SEPTIN9: variants seen among roughly 807,000 people sequenced by gnomAD.
The protein encoded by SEPTIN9 is septin 9, also known as septin-9.
SEPTIN9 carries 13 observed loss-of-function variants against 56.6 expected under a neutral mutation model. The ratio of observed to expected loss-of-function variants is 0.23; its 90% CI spans 0.15 to 0.37. SEPTIN9 has a LOEUF of 0.37. SEPTIN9 is among the 10% of genes least tolerant of loss of function. The pLI, the probability that SEPTIN9 is intolerant of heterozygous loss-of-function variation, is 1.00. For synonymous variants in SEPTIN9, 332 were observed against 334.1 expected, an observed-to-expected ratio of 0.99 and a Z score of 0.07; for missense variants, 650 against 823.1, an observed-to-expected ratio of 0.79 and a Z score of 2.57.
chr17:77,316,065 C>G (rs1016980946), intron 2 of SEPTIN9, among the ~76,000 whole-genome samples: 1 of 152,226 alleles, frequency 6.6e-6, no homozygotes, highest in African/African-American at 2.4e-5. Flanking sequence ...GGCTCCCTCA[C>G]TGTAGGATTA....
chr17:77,497,159 C>T (rs1420037920), intron 10 of SEPTIN9, 156 bp from the exon 11 acceptor site: 4 of 735,528 alleles, frequency 5.4e-6, no homozygotes, highest in Admixed American at 4.0e-5. Context: ...GTCCTATACT[C>T]AGCTGCAGAG....
At position 77,475,647 on chromosome 17, in the gene SEPTIN9, T is replaced by C; in HGVS notation, c.722-6497T>C. ...TGGAGGCTGCTCCAGTGTGCATTGT[T>C]ACGAGGCAAAGTAAGGAGACTGCTG... On this transcript the variant is annotated intron_variant, in intron 3 of 11. Coordinates refer to ENST00000427177, the MANE Select transcript of SEPTIN9 (RefSeq NM_001113491.2). The surrounding 1 kb of genome is among the most constrained non-coding windows in gnomAD (Gnocchi z 4.6). 1.2e-6 allele frequency: 2 copies of C among 1,613,790 alleles called. No individual in the cohort carries two copies. Among genetic ancestry groups the C allele is most frequent in the Middle Eastern group, 1.6e-4 (1 of 6,062 alleles).
intron 4 of SEPTIN9, among the ~76,000 whole-genome samples, chr17:77,486,095 C>CGT (rs1420856951): frequency 2.6e-5 from 4 of 152,016 alleles, no homozygotes; most frequent in Non-Finnish European, 5.9e-5. Context: ...GGATTACAGG[C>CGT]GTGAGCCATC....
chr17:77,315,612 A>G (rs1157855745), intron 2 of SEPTIN9, among the ~76,000 whole-genome samples: 1 of 152,200 alleles, frequency 6.6e-6, no homozygotes, highest in Non-Finnish European at 1.5e-5. Context: ...TTTCTACAAG[A>G]TGCCCCCTGG....
Position 77,499,168 on chromosome 17 carries a change from C to CA in SEPTIN9, c.*511dup, listed in dbSNP as rs777013794. On this transcript the variant is annotated 3_prime_UTR_variant, in exon 12 of 12. Transcript: ENST00000427177. ...CCCCCTGCCCGCCACATGGTGTGGC[C>CA]ATCACTCAGCCCCTACCCCTGCCCT... The CA allele has an allele frequency of 1.0e-4, 54 of 538,176 alleles. No homozygotes were observed. The highest frequency in any genetic ancestry group is 1.8e-4 in the Non-Finnish European group (51 of 277,610). 33.3% of individuals were successfully genotyped at this position (538,176 alleles called of 1,614,324 possible).
At chr17:77,386,195 C>T (rs939783801) in intron 2 of SEPTIN9, among the ~76,000 whole-genome samples, 10 of 152,194 alleles carry the variant, frequency 6.6e-5, no homozygotes, top group African/African-American at 2.2e-4. Context: ...AGAATGACTC[C>T]TCCTGCAGCC....
intron 2 of SEPTIN9, among the ~76,000 whole-genome samples, chr17:77,370,588 C>T (rs570903522): frequency 6.6e-6 from 1 of 152,344 alleles, no homozygotes; most frequent in East Asian, 1.9e-4. Flanking sequence ...GTCCCTTTGG[C>T]CAGGCCTGCA....
rs146732394 is a variant in SEPTIN9, at chr17:77,326,896, C to T, written c.76+19699C>T. On this transcript the variant is annotated intron_variant, in intron 2 of 11. Coordinates refer to ENST00000427177, the MANE Select transcript of SEPTIN9 (RefSeq NM_001113491.2). This position sits in a 1 kb window ranked among gnomAD's most constrained non-coding sequence, Gnocchi z 5.1. ...GTGAACACTCAGAAGGATGGGGTTC[C>T]GGGAGCTTCTGGATGGATGAGCATG... 3.8e-3 allele frequency among the ~76,000 whole-genome samples: 579 copies of T among 152,048 alleles called. 10 individuals are homozygous for T. The highest frequency in any genetic ancestry group is 0.013 in the African/African-American group (550 of 41,448).
intron 4 of SEPTIN9, chr17:77,482,822 T>G: frequency 2.0e-6 from 1 of 509,508 alleles, no homozygotes. Context: ...GAGCTGGAGG[T>G]CACCACGGGA....
chr17:77,319,391 G>A lies in SEPTIN9; in HGVS notation c.76+12194G>A, dbSNP rs1017919519. ...TCCCCCAGTGGGGCCCCGAGTTCCCGGAGAGGAAGACTCGCTCCCTCCCAG... is the reference window on the plus strand; with the variant it reads ...TCCCCCAGTGGGGCCCCGAGTTCCCAGAGAGGAAGACTCGCTCCCTCCCAG... On this transcript the variant is annotated intron_variant, in intron 2 of 11. Coordinates refer to ENST00000427177, the MANE Select transcript of SEPTIN9 (RefSeq NM_001113491.2). The surrounding 1 kb of genome is among the most constrained non-coding windows in gnomAD (Gnocchi z 5.3). 4.1e-5 allele frequency: 12 copies of A among 293,904 alleles called. No homozygotes were observed. Among genetic ancestry groups the A allele is most frequent in the Admixed American group, 6.2e-5 (1 of 16,062 alleles). 18.2% of individuals were successfully genotyped at this position (293,904 alleles called of 1,614,324 possible).
intron 4 of SEPTIN9, among the ~76,000 whole-genome samples, chr17:77,484,445 ATGGTGGTG>A (rs2039591295): frequency 1.6e-5 from 1 of 61,552 alleles, no homozygotes; most frequent in Non-Finnish European, 3.1e-5. Context: ...GATGGTGGTG[ATGGTGGTG>A]GTGGTGATTG....
chr17:77,299,315 G>C (rs1037064002), intron 1 of SEPTIN9, among the ~76,000 whole-genome samples: 1 of 152,188 alleles, frequency 6.6e-6, no homozygotes, highest in Non-Finnish European at 1.5e-5. Context: ...TATCTCCCCC[G>C]ACAATGAATT....
rs573393981 is a variant in SEPTIN9, at chr17:77,465,828, G to A, written c.722-16316G>A. Reference sequence around the variant, plus strand: ...GCAGCGTGAGAGAGGAAGTGGGAGGGGAGGGAGAGGGTGAGTTTGGTGTAA... The same window carrying A: ...GCAGCGTGAGAGAGGAAGTGGGAGGAGAGGGAGAGGGTGAGTTTGGTGTAA... On this transcript the variant is annotated intron_variant, in intron 3 of 11. Coordinates refer to ENST00000427177, the MANE Select transcript of SEPTIN9 (RefSeq NM_001113491.2). 3.8e-4 allele frequency among the ~76,000 whole-genome samples: 58 copies of A among 152,226 alleles called. No homozygotes were observed. In the South Asian group the frequency reaches 0.012, roughly 30 times the overall value.
At chr17:77,322,928 C>T (rs979295218) in intron 2 of SEPTIN9, 4 of 152,478 alleles carry the variant, frequency 2.6e-5, no homozygotes, top group African/African-American at 4.8e-5. Context: ...GATGCCGGCC[C>T]GCTGACTTCC....
chr17:77,296,090 C>G (rs912790680), intron 1 of SEPTIN9, among the ~76,000 whole-genome samples: 3 of 124,008 alleles, frequency 2.4e-5, no homozygotes, highest in Admixed American at 1.9e-4. Flanking sequence ...CTCTCCTCCC[C>G]CCTCACTTGT....
chr17:77,490,334 C>T (rs112407007), intron 7 of SEPTIN9, among the ~76,000 whole-genome samples: 3 of 152,348 alleles, frequency 2.0e-5, no homozygotes, highest in South Asian at 2.1e-4. Context: ...GGGAGCAGCC[C>T]GCCTGGTGCA....
intron 3 of SEPTIN9, among the ~76,000 whole-genome samples, chr17:77,480,098 A>G (rs2039393345): frequency 6.6e-6 from 1 of 152,094 alleles, no homozygotes; most frequent in Non-Finnish European, 1.5e-5. Flanking sequence ...GCACAGAGAG[A>G]GGAGCCCTGG....
At chr17:77,409,810 G>A (rs1242421290) in intron 3 of SEPTIN9, among the ~76,000 whole-genome samples, 1 of 152,254 alleles carries the variant, frequency 6.6e-6, no homozygotes, top group African/African-American at 2.4e-5. Context: ...GCTCTGTGCG[G>A]TGTGGACAGA....
intron 2 of SEPTIN9, among the ~76,000 whole-genome samples, chr17:77,315,766 G>A (rs1052768992): frequency 6.6e-6 from 1 of 152,244 alleles, no homozygotes; most frequent in Non-Finnish European, 1.5e-5. Context: ...GTGCCGCTGA[G>A]CCCCACTTTG....
Sources: allele counts gnomAD v4.1 joint callset (sites outside exome capture counted in the v4.1 genomes callset), GRCh38; gene constraint gnomAD v4.1.1; non-coding constraint Gnocchi (gnomAD v3.1); transcripts MANE v1.5; gene names NCBI Gene and HGNC (gene_info 2026-07-23, HGNC 2026-07-21).